Variants in STK38L observed in about 807,000 individuals in gnomAD.
STK38L encodes the protein serine/threonine-protein kinase 38-like.
A neutral mutation model predicts 59.7 loss-of-function variants in STK38L; 28 were observed. That is an observed-to-expected ratio of 0.47 (90% CI 0.35 to 0.64). The LOEUF (loss-of-function observed/expected upper bound fraction) is 0.64, where lower values mean the gene tolerates loss of function less well. Ranked by LOEUF, STK38L falls within the 30% of genes least tolerant of loss-of-function variation. The pLI, the probability that STK38L is intolerant of heterozygous loss-of-function variation, is 0.01. For synonymous variants in STK38L, 162 were observed against 176.8 expected (o/e 0.92, Z 0.66); for missense variants, 314 against 555.8 (o/e 0.56, Z 4.37).
intron 1 of STK38L, among the ~76,000 whole-genome samples, chr12:27,272,679 G>A (rs1943449454): frequency 6.6e-6 from 1 of 152,184 alleles, no homozygotes; most frequent in South Asian, 2.1e-4. Context: ...TATCTTACAA[G>A]ATGTAAGTCA....
chr12:27,268,221 C>T (rs1269634790), intron 1 of STK38L, among the ~76,000 whole-genome samples: 5 of 151,934 alleles, frequency 3.3e-5, no homozygotes, highest in African/African-American at 1.2e-4. Context: ...CACCCATTAA[C>T]TCGTCATTTA....
intron 1 of STK38L, among the ~76,000 whole-genome samples, chr12:27,293,399 A>G (rs751208611): frequency 1.1e-4 from 16 of 152,212 alleles, no homozygotes; most frequent in Non-Finnish European, 2.1e-4. Flanking sequence ...ATCCCATTCA[A>G]CATTTAAATT....
intron 7 of STK38L, 122 bp from the exon 8 acceptor site, chr12:27,314,893 T>G: frequency 2.2e-6 from 2 of 896,992 alleles, no homozygotes; most frequent in Non-Finnish European, 3.3e-6. Context: ...AATTTTACAT[T>G]TTACGTGTAT....
chr12:27,315,130 G>T lies in STK38L; in HGVS notation c.775+13G>T, dbSNP rs1326483433. 6 of 1,609,418 alleles carry T rather than the reference G, an allele frequency of 3.7e-6. No homozygotes were observed. The African/African-American group carries it at 5.3e-5, about 14-fold the overall frequency. Reference sequence around the variant, plus strand: ...CCAAGTGACTTCTGTAAGTTTGGTTGTTGTTTTTCTTCTTTCCCCTGGTTA... The same window carrying T: ...CCAAGTGACTTCTGTAAGTTTGGTTTTTGTTTTTCTTCTTTCCCCTGGTTA... On this transcript the variant is annotated intron_variant, in intron 8 of 13. Transcript: ENST00000389032.
chr12:27,273,683 T>C (rs1234521296), intron 1 of STK38L, among the ~76,000 whole-genome samples: 1 of 151,680 alleles, frequency 6.6e-6, no homozygotes, highest in Non-Finnish European at 1.5e-5. Context: ...TGACGTTTGG[T>C]ACTATAGCCT....
chr12:27,309,427 A>G (rs1450044971), intron 5 of STK38L, among the ~76,000 whole-genome samples: 4 of 152,214 alleles, frequency 2.6e-5, no homozygotes, highest in Non-Finnish European at 5.9e-5. Flanking sequence ...TGGTTAGCTT[A>G]AACAACAGAA....
intron 1 of STK38L, among the ~76,000 whole-genome samples, chr12:27,290,765 C>G (rs1410438794): frequency 6.6e-6 from 1 of 152,192 alleles, no homozygotes; most frequent in East Asian, 1.9e-4. Flanking sequence ...AAGGGGCCGG[C>G]TGCAGCTCTG....
intron 1 of STK38L, among the ~76,000 whole-genome samples, chr12:27,285,551 A>G (rs1943753465): frequency 6.6e-6 from 1 of 152,146 alleles, no homozygotes; most frequent in Non-Finnish European, 1.5e-5. Context: ...CAAGCTTTGT[A>G]TAGGTTTATG....
Position 27,281,069 on chromosome 12 carries a change from T to TG in STK38L, c.-11-16641_-11-16640insG, listed in dbSNP as rs1283055014. Among the ~76,000 whole-genome samples the TG allele has an allele frequency of 8.4e-4, 4 of 4,746 alleles. 1 individual carries two copies. The highest frequency in any genetic ancestry group is 5.4e-3 in the South Asian group (1 of 186). The allele number at this position is 4,746 out of a possible 152,430, so 3.1% of individuals were successfully genotyped here. On this transcript the variant is annotated intron_variant, in intron 1 of 13. Transcript: ENST00000389032. The stretch of plus-strand genomic sequence containing the variant: ...GATTTATTTTTGGCTTTAGCTTTGT[T>TG]TTTTTTTTTTTTTTTTTTTTTTTTT...
intron 1 of STK38L, among the ~76,000 whole-genome samples, chr12:27,295,556 C>A (rs948948595): frequency 6.6e-6 from 1 of 152,190 alleles, no homozygotes; most frequent in Non-Finnish European, 1.5e-5. Flanking sequence ...CCTCCCTCCC[C>A]CCAATCAATA....
At chr12:27,321,622 T>C (rs1262795692) in intron 12 of STK38L, among the ~76,000 whole-genome samples, 1 of 152,086 alleles carries the variant, frequency 6.6e-6, no homozygotes, top group African/African-American at 2.4e-5. Flanking sequence ...CTTAAAAAAA[T>C]AGGATGAGAA....
At chr12:27,287,568 C>T (rs1367740527) in intron 1 of STK38L, among the ~76,000 whole-genome samples, 1 of 152,122 alleles carries the variant, frequency 6.6e-6, no homozygotes, top group African/African-American at 2.4e-5. Context: ...TTTAAGAAAG[C>T]TCATTCCTTC....
intron 1 of STK38L, among the ~76,000 whole-genome samples, chr12:27,247,453 G>C (rs1464363809): frequency 6.6e-6 from 1 of 152,212 alleles, no homozygotes; most frequent in Admixed American, 6.5e-5. Flanking sequence ...TTTCTAGAAA[G>C]AGTTCCAAAA....
intron 1 of STK38L, among the ~76,000 whole-genome samples, chr12:27,286,548 T>C (rs1019136596): frequency 6.6e-5 from 10 of 152,182 alleles, no homozygotes; most frequent in Non-Finnish European, 1.5e-4. Flanking sequence ...AGTGCTGTGG[T>C]ATTTTATACT....
intron 1 of STK38L, among the ~76,000 whole-genome samples, chr12:27,247,318 C>T (rs1447615138): frequency 6.6e-6 from 1 of 152,162 alleles, no homozygotes; most frequent in African/African-American, 2.4e-5. Flanking sequence ...GGCTTGTACC[C>T]ATATGGCATG....
chr12:27,315,200 T>C, intron 8 of STK38L, 83 bp downstream of exon 8: 1 of 1,568,504 alleles, frequency 6.4e-7, no homozygotes, highest in East Asian at 2.2e-5. Context: ...CCCCACTCCT[T>C]AATCCACTGT....
intron 1 of STK38L, among the ~76,000 whole-genome samples, chr12:27,297,475 C>G (rs1304319914): frequency 6.6e-6 from 1 of 152,162 alleles, no homozygotes; most frequent in Non-Finnish European, 1.5e-5. Context: ...GCCACTGGTT[C>G]TTCTTTGCTG....
intron 12 of STK38L, among the ~76,000 whole-genome samples, chr12:27,320,004 C>A (rs949908557): frequency 6.6e-6 from 1 of 152,210 alleles, no homozygotes; most frequent in Non-Finnish European, 1.5e-5. Flanking sequence ...AGTTAAGAAG[C>A]CTTCACTGCT....
intron 8 of STK38L, 64 bp downstream of exon 8, chr12:27,315,181 T>G: frequency 6.3e-7 from 1 of 1,577,674 alleles, no homozygotes; most frequent in Non-Finnish European, 8.7e-7. Flanking sequence ...CAGAAGGTTC[T>G]TTCCCTTTCC....
Sources: allele counts gnomAD v4.1 joint callset (sites outside exome capture counted in the v4.1 genomes callset), GRCh38; gene constraint gnomAD v4.1.1; transcripts MANE v1.5; gene names NCBI Gene and HGNC (gene_info 2026-07-23, HGNC 2026-07-21).